FUS: variants seen among roughly 807,000 people sequenced by gnomAD.
The protein encoded by FUS is FUS RNA binding protein.
FUS carries 5 observed loss-of-function variants against 82.7 expected under a neutral mutation model. That is an observed-to-expected ratio of 0.06 (90% CI 0.03 to 0.13). FUS has a LOEUF of 0.13. Ranked by LOEUF, FUS falls within the 10% of genes least tolerant of loss-of-function variation. The pLI is 1.00. For synonymous variants in FUS, 281 were observed against 247.4 expected (o/e 1.14, Z -1.27); for missense variants, 512 against 707.8 (o/e 0.72, Z 3.14).
Position 31,190,317 on chromosome 16 carries a change from G to T in FUS, c.1211G>T (p.Gly404Val), listed in dbSNP as rs1196478087. 1.1e-5 allele frequency: 17 copies of T among 1,614,180 alleles called. No individual in the cohort carries two copies. The highest frequency in any genetic ancestry group is 2.2e-5 in the East Asian group (1 of 44,886). Reference protein sequence around the residue: ...RGGYGGGGSGGGGRGGFPSGG... With the variant: ...RGGYGGGGSGVGGRGGFPSGG... Reference sequence around the variant, plus strand: ...GGCTATGGAGGTGGTGGCAGTGGTGGTGGTGGCCGAGGAGGATTTCCCAGT... The same window carrying T: ...GGCTATGGAGGTGGTGGCAGTGGTGTTGGTGGCCGAGGAGGATTTCCCAGT... The change falls in exon 12 of 15, where the codon GGT (glycine) becomes GTT (valine). Residue 404 changes from glycine to valine, a missense_variant. Physicochemically the swap from Gly to Val is moderately radical, Grantham distance 109 (BLOSUM62 -3). This residue lies in a region of FUS where 63 missense variants were observed against 83.0 expected (regional missense o/e 0.76). Transcript: ENST00000254108.
chr16:31,191,853 A>T (rs771689682), downstream of FUS: 24 of 550,568 alleles, frequency 4.4e-5, no homozygotes, highest in Non-Finnish European at 2.1e-5. Flanking sequence ...GCTATGGGGA[A>T]TTTTTCCTTT....
At chr16:31,181,562 C>A (rs932149504) in intron 1 of FUS, among the ~76,000 whole-genome samples, 1 of 152,076 alleles carries the variant, frequency 6.6e-6, no homozygotes, top group Non-Finnish European at 1.5e-5. Flanking sequence ...ACTAAAAAGC[C>A]CACTTCATCT....
Position 31,184,981 on chromosome 16 carries a change from G to A in FUS, c.566G>A (p.Gly189Asp), listed in dbSNP as rs2079242669. 1 of 1,613,760 alleles carries A rather than the reference G, an allele frequency of 6.2e-7. No homozygotes were observed. The highest frequency in any genetic ancestry group is 1.7e-5 in the Admixed American group (1 of 59,980). The change falls in exon 6 of 15, where the codon GGC (glycine) becomes GAC (aspartate). Residue 189 changes from glycine to aspartate, a missense_variant. By Grantham distance (94) the Gly-to-Asp change is moderately conservative. This residue lies in a region of FUS where 276 missense variants were observed against 303.3 expected (regional missense o/e 0.91). Coordinates refer to ENST00000254108, the MANE Select transcript of FUS (RefSeq NM_004960.4). ...QDQSSMSSGG[G>D]SGGGYGNQDQ... ...CAATCCTCCATGAGTAGTGGTGGTG[G>A]CAGTGGTGGCGGTTATGGCAATCAA...
chr16:31,187,960 C>T (rs1158744570), intron 7 of FUS: 1 of 349,564 alleles, frequency 2.9e-6, no homozygotes, highest in Non-Finnish European at 5.3e-6. Flanking sequence ...CATCTCTCTT[C>T]TCTCGGGTGA....
Position 31,182,558 on chromosome 16 carries a change from G to A in FUS, c.84G>A (p.Gln28=). 6.2e-7 allele frequency: 1 copy of A among 1,614,174 alleles called. No homozygotes were observed. ...AGCCCGGGCAGGGCTATTCCCAGCAGAGCAGTCAGCCCTACGGACAGCAGA... is the reference window on the plus strand; with the variant it reads ...AGCCCGGGCAGGGCTATTCCCAGCAAAGCAGTCAGCCCTACGGACAGCAGA... ...PTQPGQGYSQ[Q]SSQPYGQQSY... is the part of the protein sequence containing the mutation. Residue 28 remains glutamine, a synonymous_variant, in exon 3 of 15, where the codon CAG becomes CAA. Transcript: ENST00000254108.
At position 31,184,406 on chromosome 16, in the gene FUS, C is replaced by G; in HGVS notation, c.523+10C>G. 6.4e-7 allele frequency: 1 copy of G among 1,565,516 alleles called. No homozygotes were observed. The highest frequency in any genetic ancestry group is 1.4e-5 in the African/African-American group (1 of 73,454). ...GGAGGTGGAGGTGGAGGTGAGATGT[C>G]TTCAGCTTTGTCTGCAGCCCATTTT... On this transcript the variant is annotated intron_variant, in intron 5 of 14. Coordinates refer to ENST00000254108, the MANE Select transcript of FUS (RefSeq NM_004960.4).
At chr16:31,184,438 CTTTTTTTT>C in intron 5 of FUS, 42 bp downstream of exon 5, 5 of 1,212,080 alleles carry the variant, frequency 4.1e-6, no homozygotes, top group Non-Finnish European at 4.5e-6. Flanking sequence ...TTTTCTTTTT[CTTTTTTTT>C]TTTTTTTTTG....
chr16:31,184,438 C>CTTTT (rs370126678), intron 5 of FUS, 42 bp downstream of exon 5: 24 of 1,212,306 alleles, frequency 2.0e-5, no homozygotes, highest in Middle Eastern at 2.6e-4. Flanking sequence ...TTTTCTTTTT[C>CTTTT]TTTTTTTTTT....
intron 7 of FUS, 33 bp from the exon 8 acceptor site, chr16:31,188,292 T>C: frequency 6.2e-7 from 1 of 1,609,100 alleles, no homozygotes; most frequent in Non-Finnish European, 8.5e-7. Flanking sequence ...TGTTTTTGTT[T>C]TTTTTTTGTT....
chr16:31,184,897 CT>C, intron 5 of FUS, 41 bp from the exon 6 acceptor site: 5 of 1,584,282 alleles, frequency 3.2e-6, no homozygotes, highest in Non-Finnish European at 4.3e-6. Context: ...ACTTTACAAT[CT>C]TTTTGTTTTT....
At position 31,185,080 on chromosome 16, in the gene FUS, G is replaced by T. The variant is rs1357711075; in HGVS notation, c.665G>T (p.Gly222Val). ...DRGGRGRGGSGGGGGGGGGGY... is the reference protein window; with the variant it reads ...DRGGRGRGGSVGGGGGGGGGY... Reference sequence around the variant, plus strand: ...GGAGGCCGCGGCAGGGGTGGCAGTGGTGGCGGCGGCGGCGGCGGCGGTGGT... The same window carrying T: ...GGAGGCCGCGGCAGGGGTGGCAGTGTTGGCGGCGGCGGCGGCGGCGGTGGT... The change falls in exon 6 of 15, where the codon GGT becomes GTT. Residue 222 changes from glycine (G) to valine (V), a missense_variant. Gly to Val is a moderately radical substitution (Grantham distance 109). Coordinates refer to ENST00000254108, the MANE Select transcript of FUS (RefSeq NM_004960.4). The T allele has an allele frequency of 1.2e-6, 2 of 1,608,888 alleles. No individual in the cohort carries two copies. The highest frequency in any genetic ancestry group is 1.7e-5 in the Admixed American group (1 of 58,668).
intron 1 of FUS, among the ~76,000 whole-genome samples, chr16:31,180,548 A>G (rs1005541173): frequency 1.3e-5 from 2 of 152,088 alleles, no homozygotes; most frequent in African/African-American, 4.8e-5. Flanking sequence ...CGCCTCCCCC[A>G]ACTCCCGGCC....
chr16:31,191,667 A>G (rs1456061614), downstream of FUS: 3 of 698,270 alleles, frequency 4.3e-6, no homozygotes. Context: ...AGGAAGGTAG[A>G]GAGTTTTCCT....
chr16:31,180,850 G>A (rs1315458626), intron 1 of FUS, among the ~76,000 whole-genome samples: 1 of 152,196 alleles, frequency 6.6e-6, no homozygotes. Context: ...ACGGTTTGGC[G>A]GCGGTGGTCA....
chr16:31,180,129 A>C (rs377110060), upstream of FUS: 2 of 1,557,012 alleles, frequency 1.3e-6, no homozygotes, highest in South Asian at 2.3e-5. Context: ...TCGACGCAGG[A>C]GGCGGGGCTG....
At chr16:31,187,030 C>T (rs1378297725) in intron 7 of FUS, 194 bp downstream of exon 7, 6 of 641,720 alleles carry the variant, frequency 9.3e-6, no homozygotes, top group Admixed American at 2.4e-5. Context: ...GGGTAAGACT[C>T]AATAGTCATC....
In FUS at chr16:31,189,659, C is replaced by T. The variant is rs955597548; in HGVS notation, c.937-6C>T. 1.2e-6 allele frequency: 2 copies of T among 1,614,134 alleles called. No homozygotes were observed. The highest frequency in any genetic ancestry group is 1.1e-5 in the South Asian group (1 of 91,078). On this transcript the variant is annotated splice_polypyrimidine_tract_variant and splice_region_variant and intron_variant, in intron 9 of 14. Transcript: ENST00000254108. ...AATTGATGTTACCTCATTTTGCTTTCTTCAGACAAACAAGAAAACGGGACA... is the reference window on the plus strand; with the variant it reads ...AATTGATGTTACCTCATTTTGCTTTTTTCAGACAAACAAGAAAACGGGACA...
intron 14 of FUS, 85 bp downstream of exon 14, chr16:31,191,195 T>C: frequency 6.4e-7 from 1 of 1,560,160 alleles, no homozygotes; most frequent in Non-Finnish European, 8.8e-7. Context: ...AGTGGTTTCA[T>C]TTTGAGGGCT....
At chr16:31,184,814 C>T (rs1183937436) in intron 5 of FUS, 125 bp from the exon 6 acceptor site, 18 of 976,398 alleles carry the variant, frequency 1.8e-5, no homozygotes, top group Non-Finnish European at 2.2e-5. Flanking sequence ...GTCTTGTTTC[C>T]TAGCTGTCTT....
Sources: allele counts gnomAD v4.1 joint callset (sites outside exome capture counted in the v4.1 genomes callset), GRCh38; gene constraint gnomAD v4.1.1; regional missense constraint gnomAD v4.1.1; transcripts MANE v1.5; gene names NCBI Gene and HGNC (gene_info 2026-07-23, HGNC 2026-07-21).